Variants in RBPJ observed in about 807,000 individuals in gnomAD.
RBPJ encodes the protein recombination signal binding protein for immunoglobulin kappa J region, also known as recombining binding protein suppressor of hairless.
RBPJ carries 9 observed loss-of-function variants against 67.8 expected under a neutral mutation model. The observed-to-expected ratio is 0.13, with a 90% CI of 0.08 to 0.23. The LOEUF is 0.23. RBPJ is among the 10% of genes least tolerant of loss of function. The pLI is 1.00. For missense variants in RBPJ, 305 were observed against 595.6 expected, an observed-to-expected ratio of 0.51 and a Z score of 5.08; for synonymous variants, 198 against 203.3, an observed-to-expected ratio of 0.97 and a Z score of 0.22.
chr4:26,339,761 T>G (rs1332583239), intron 1 of RBPJ, among the ~76,000 whole-genome samples: 2 of 152,194 alleles, frequency 1.3e-5, no homozygotes, highest in Non-Finnish European at 2.9e-5. Flanking sequence ...GGCTCATGCC[T>G]GTAATCCCAG....
chr4:26,213,018 A>G (rs1038034691), intron 1 of RBPJ, among the ~76,000 whole-genome samples: 2 of 152,184 alleles, frequency 1.3e-5, no homozygotes, highest in East Asian at 1.9e-4. Flanking sequence ...CTTCCAGACC[A>G]CGTACTATGT....
chr4:26,274,309 A>G (rs1162337905), intron 1 of RBPJ, among the ~76,000 whole-genome samples: 2 of 152,180 alleles, frequency 1.3e-5, no homozygotes, highest in African/African-American at 4.8e-5. Flanking sequence ...AAGGAAGATA[A>G]GAGAAGGTAT....
chr4:26,115,073 A>G, the RBPJ span, among the ~76,000 whole-genome samples: 1 of 152,178 alleles, frequency 6.6e-6, no homozygotes, highest in Non-Finnish European at 1.5e-5. Context: ...ATTCAGTACT[A>G]TTTTGTTGGT....
chr4:26,141,733 T>C, the RBPJ span, among the ~76,000 whole-genome samples: 5 of 152,212 alleles, frequency 3.3e-5, no homozygotes, highest in Non-Finnish European at 7.3e-5. Context: ...AGCTATAGAA[T>C]ACTAGAGCTC....
chr4:26,287,581 CAGGAG>C (rs1721515189), intron 1 of RBPJ, among the ~76,000 whole-genome samples: 1 of 11,490 alleles, frequency 8.7e-5, no homozygotes, highest in East Asian at 5.0e-3. Context: ...AAGGAAAGGA[CAGGAG>C]AGGAGAGGGG....
At chr4:26,253,307 C>CA (rs1720174328) in intron 1 of RBPJ, among the ~76,000 whole-genome samples, 1 of 114,394 alleles carries the variant, frequency 8.7e-6, no homozygotes, top group Non-Finnish European at 1.8e-5. Flanking sequence ...TCTGCTATTT[C>CA]TTTTTTTTTT....
intron 1 of RBPJ, among the ~76,000 whole-genome samples, chr4:26,256,267 A>T (rs1720342608): frequency 6.6e-6 from 1 of 151,722 alleles, no homozygotes; most frequent in South Asian, 2.1e-4. Context: ...TAGAAATGGA[A>T]TAGGAGAATC....
intron 3 of RBPJ, among the ~76,000 whole-genome samples, chr4:26,413,568 G>C (rs1734254368): frequency 6.6e-6 from 1 of 152,122 alleles, no homozygotes; most frequent in African/African-American, 2.4e-5. Flanking sequence ...GAGAATTAAT[G>C]AATATTAAAT....
chr4:26,370,181 T>C (rs2109543608), intron 1 of RBPJ, among the ~76,000 whole-genome samples: 1 of 152,168 alleles, frequency 6.6e-6, no homozygotes, highest in East Asian at 1.9e-4. Flanking sequence ...TTTGGAGAAA[T>C]GCTAGAACCA....
At chr4:26,381,230 A>G (rs997393207) in intron 1 of RBPJ, among the ~76,000 whole-genome samples, 35 of 151,946 alleles carry the variant, frequency 2.3e-4, no homozygotes, top group Non-Finnish European at 2.9e-5. Context: ...ATATTCACCT[A>G]TCTATTTAAG....
intron 1 of RBPJ, among the ~76,000 whole-genome samples, chr4:26,306,357 G>A (rs931614360): frequency 7.9e-5 from 12 of 151,886 alleles, no homozygotes; most frequent in African/African-American, 1.9e-4. Flanking sequence ...TTTGTCGAGC[G>A]TTTGCCAGTA....
intron 1 of RBPJ, among the ~76,000 whole-genome samples, chr4:26,308,814 C>A (rs575317134): frequency 3.3e-5 from 5 of 152,234 alleles, no homozygotes; most frequent in South Asian, 2.1e-4. Context: ...AAGAGTGAAA[C>A]CTTTCTGGTA....
intron 1 of RBPJ, among the ~76,000 whole-genome samples, chr4:26,357,714 C>T (rs934574880): frequency 6.6e-6 from 1 of 152,100 alleles, no homozygotes; most frequent in African/African-American, 2.4e-5. Flanking sequence ...AACTCCTAAC[C>T]CATTAAATAA....
intron 3 of RBPJ, among the ~76,000 whole-genome samples, chr4:26,406,704 C>T (rs1004456748): frequency 1.3e-5 from 2 of 152,312 alleles, no homozygotes; most frequent in African/African-American, 2.4e-5. Context: ...TAACATAAAA[C>T]TTTCCTAAAT....
intron 1 of RBPJ, among the ~76,000 whole-genome samples, chr4:26,224,445 C>G (rs1028813578): frequency 3.9e-5 from 6 of 152,058 alleles, no homozygotes; most frequent in African/African-American, 1.4e-4. Flanking sequence ...GGAACCAGCT[C>G]CCAATATTTC....
chr4:26,320,499 G>T (rs573485034), upstream of RBPJ: 10 of 471,802 alleles, frequency 2.1e-5, no homozygotes, highest in East Asian at 3.5e-4. Flanking sequence ...GAGGCGCCCA[G>T]GGAACGTTTG....
intron 1 of RBPJ, among the ~76,000 whole-genome samples, chr4:26,246,596 G>A (rs1157711205): frequency 6.6e-6 from 1 of 152,208 alleles, no homozygotes; most frequent in African/African-American, 2.4e-5. Flanking sequence ...CTGTCAGATT[G>A]TAAGCTCAGA....
At chr4:26,286,208 A>C (rs1372096407) in intron 1 of RBPJ, among the ~76,000 whole-genome samples, 1 of 152,124 alleles carries the variant, frequency 6.6e-6, no homozygotes, top group East Asian at 1.9e-4. Flanking sequence ...GCTGGGCATG[A>C]TGACTAGCGC....
intron 1 of RBPJ, among the ~76,000 whole-genome samples, chr4:26,274,378 A>G (rs1433902609): frequency 1.3e-5 from 2 of 152,256 alleles, no homozygotes; most frequent in Admixed American, 1.3e-4. Flanking sequence ...TTGTAATCAC[A>G]GCAGTCCAAG....
Sources: gnomAD v4.1 joint callset for allele counts (sites outside exome capture counted in the v4.1 genomes callset) on GRCh38, gnomAD v4.1.1 for gene constraint, MANE v1.5 for transcripts, NCBI Gene and HGNC (gene_info 2026-07-23, HGNC 2026-07-21) for gene names.